NCOA5: variants seen among roughly 807,000 people sequenced by gnomAD.
NCOA5 encodes the protein NCoA-5.
Under a neutral mutation model 59.0 loss-of-function variants are expected in NCOA5, and 12 were observed. The observed-to-expected ratio is 0.20, with a 90% CI of 0.13 to 0.33. The LOEUF (loss-of-function observed/expected upper bound fraction) is 0.33, where lower values mean the gene tolerates loss of function less well. NCOA5 is among the 10% of genes least tolerant of loss of function. The probability of loss-of-function intolerance (pLI) is 1.00; values close to 1 mark genes in which losing one functional copy is unlikely to be tolerated. For synonymous variants in NCOA5, 270 were observed against 275.5 expected (o/e 0.98, Z 0.20); for missense variants, 655 against 766.6 (o/e 0.85, Z 1.72).
At chr20:46,089,576 T>C (rs924899932) in intron 1 of NCOA5, among the ~76,000 whole-genome samples, 6 of 152,024 alleles carry the variant, frequency 3.9e-5, no homozygotes, top group Admixed American at 6.5e-5. Flanking sequence ...CCGACCTGCG[T>C]CCACCACAGA....
chr20:46,076,796 A>C (rs917627635), intron 2 of NCOA5, among the ~76,000 whole-genome samples: 3 of 152,216 alleles, frequency 2.0e-5, no homozygotes, highest in African/African-American at 4.8e-5. Flanking sequence ...TTGTAAATAA[A>C]GCAGGAAGTC....
At chr20:46,087,051 GTCA>G (rs1295129970) in intron 1 of NCOA5, among the ~76,000 whole-genome samples, 2 of 152,110 alleles carry the variant, frequency 1.3e-5, no homozygotes, top group Non-Finnish European at 2.9e-5. Flanking sequence ...ACCTCTTTGA[GTCA>G]TCATTTCCCT....
rs201892698 is a variant in NCOA5, at chr20:46,061,671, G to GA, written c.*628dup. On this transcript the variant is annotated 3_prime_UTR_variant, in exon 8 of 8. Coordinates refer to ENST00000290231, the MANE Select transcript of NCOA5 (RefSeq NM_020967.3). ...TGAAATGAAAACAAAAAAGAAAAGA[G>GA]AAAAAAACAAAAAACAACCTTGGCT... The GA allele has an allele frequency of 0.031, 4,724 of 152,516 alleles. 162 individuals are homozygous for GA. Among genetic ancestry groups the GA allele is most frequent in the Admixed American group, 0.11 (1,659 of 15,280 alleles). 9.4% of individuals were successfully genotyped at this position (152,516 alleles called of 1,614,324 possible). A position where few individuals can be genotyped will look rare whatever the true frequency, so the allele number is the denominator to read the frequency against.
chr20:46,063,834 A>G (rs1420662240), intron 6 of NCOA5, among the ~76,000 whole-genome samples, 154 bp from the exon 7 acceptor site: 1 of 151,942 alleles, frequency 6.6e-6, no homozygotes, highest in African/African-American at 2.4e-5. Context: ...GTGTGGGGGG[A>G]GAGATGAAGG....
At chr20:46,066,525 G>C (rs1456145371) in intron 5 of NCOA5, among the ~76,000 whole-genome samples, 3 of 152,156 alleles carry the variant, frequency 2.0e-5, no homozygotes, top group East Asian at 3.9e-4. Context: ...TCTTGGGATG[G>C]GAACATGACT....
At chr20:46,065,334 C>A in intron 5 of NCOA5, 106 bp from the exon 6 acceptor site, 1 of 1,024,846 alleles carries the variant, frequency 9.8e-7, no homozygotes, top group Non-Finnish European at 1.5e-6. Context: ...CTTAGTCTAC[C>A]CCAGTACCGT....
At chr20:46,068,442 CCT>C (rs2084847032) in intron 4 of NCOA5, 58 bp downstream of exon 4, 5 of 1,536,584 alleles carry the variant, frequency 3.3e-6, no homozygotes, top group Middle Eastern at 1.7e-4. Flanking sequence ...TTATTAGTTT[CCT>C]CTCTCTTTTG....
chr20:46,080,806 T>A (rs568237885), intron 1 of NCOA5, among the ~76,000 whole-genome samples: 6 of 152,094 alleles, frequency 3.9e-5, no homozygotes, highest in Admixed American at 2.6e-4. Flanking sequence ...CCTTCTATTT[T>A]AAAAAAAACC....
chr20:46,076,789 T>C (rs901398511), intron 2 of NCOA5, among the ~76,000 whole-genome samples: 1 of 152,208 alleles, frequency 6.6e-6, no homozygotes, highest in Non-Finnish European at 1.5e-5. Flanking sequence ...CTGTTGATTG[T>C]AAATAAAGCA....
chr20:46,081,395 A>G (rs187282430), intron 1 of NCOA5, among the ~76,000 whole-genome samples: 9 of 152,306 alleles, frequency 5.9e-5, no homozygotes, highest in Non-Finnish European at 8.8e-5. Context: ...GAACTGGAGA[A>G]ATCACATGGT....
In NCOA5 at chr20:46,061,818, C is replaced by G. The variant is rs902354553; in HGVS notation, c.*482G>C. 3.2e-5 allele frequency: 5 copies of G among 154,930 alleles called. No individual in the cohort carries two copies. Among genetic ancestry groups the G allele is most frequent in the Non-Finnish European group, 7.2e-5 (5 of 69,768 alleles). The allele number at this position is 154,930 out of a possible 1,614,324, so 9.6% of individuals were successfully genotyped here. On this transcript the variant is annotated 3_prime_UTR_variant, in exon 8 of 8. Coordinates refer to ENST00000290231, the MANE Select transcript of NCOA5 (RefSeq NM_020967.3). The stretch of plus-strand genomic sequence containing the variant: ...GGGGTGAGGGTATGATGACACTGTG[C>G]CTGCCAAGGCCAGTTTGCTTTTCTT...
chr20:46,068,597 T>G lies in NCOA5; in HGVS notation c.407A>C (p.Tyr136Ser), dbSNP rs143507954. 1 of 1,613,660 alleles carries G rather than the reference T, an allele frequency of 6.2e-7. No individual in the cohort carries two copies. Among genetic ancestry groups the G allele is most frequent in the African/African-American group, 1.3e-5 (1 of 74,920 alleles). ...ATAAGAGTCATCCTTTCTCCTGCAA[T>G]AGTCATCCATTCGTAGGTATCGGTC... ...SYDRYLRMDD[Y>S]CRRKDDSYFD... Residue 136 changes from tyrosine to serine, a missense_variant, in exon 4 of 8, where the codon TAT (tyrosine) becomes TCT (serine). By Grantham distance (144) the Tyr-to-Ser change is moderately radical (BLOSUM62 -2). Coordinates refer to ENST00000290231, the MANE Select transcript of NCOA5 (RefSeq NM_020967.3).
chr20:46,079,510 A>G (rs990440234), intron 1 of NCOA5, 57 bp from the exon 2 acceptor site: 3 of 1,368,084 alleles, frequency 2.2e-6, no homozygotes, highest in African/African-American at 1.4e-5. Flanking sequence ...CAAGATCATC[A>G]GCACATTTCA....
intron 1 of NCOA5, among the ~76,000 whole-genome samples, chr20:46,082,774 G>A (rs2085004824): frequency 6.6e-6 from 1 of 152,112 alleles, no homozygotes. Context: ...ACAAGAAAAA[G>A]AGCTTTACAT....
intron 1 of NCOA5, among the ~76,000 whole-genome samples, chr20:46,089,512 G>A (rs559222678): frequency 6.6e-6 from 1 of 152,328 alleles, no homozygotes; most frequent in Non-Finnish European, 1.5e-5. Context: ...AAGCCTTGAG[G>A]ACTCCTAGTG....
intron 1 of NCOA5, among the ~76,000 whole-genome samples, chr20:46,083,649 A>C (rs1312496858): frequency 6.6e-6 from 1 of 152,246 alleles, no homozygotes; most frequent in Admixed American, 6.5e-5. Flanking sequence ...ACTACAAATG[A>C]CATAAAACTC....
At chr20:46,081,627 C>T (rs1343184568) in intron 1 of NCOA5, among the ~76,000 whole-genome samples, 3 of 152,058 alleles carry the variant, frequency 2.0e-5, no homozygotes, top group Non-Finnish European at 4.4e-5. Flanking sequence ...GTTTCTTCTG[C>T]AAAAACAAGA....
intron 1 of NCOA5, among the ~76,000 whole-genome samples, chr20:46,084,468 C>T (rs2085026089): frequency 6.6e-6 from 1 of 152,232 alleles, no homozygotes; most frequent in Non-Finnish European, 1.5e-5. Flanking sequence ...GTAGAACCTA[C>T]TTATTCAATG....
At chr20:46,063,803 CTTGA>C in intron 6 of NCOA5, 123 bp from the exon 7 acceptor site, 1 of 1,041,348 alleles carries the variant, frequency 9.6e-7, no homozygotes, top group Admixed American at 2.6e-5. Flanking sequence ...GACAAAAAGC[CTTGA>C]GATTGAGAGT....
Sources: gnomAD v4.1 joint callset for allele counts (sites outside exome capture counted in the v4.1 genomes callset) on GRCh38, gnomAD v4.1.1 for gene constraint, MANE v1.5 for transcripts, NCBI Gene and HGNC (gene_info 2026-07-23, HGNC 2026-07-21) for gene names.